DOCK10: variants seen among roughly 807,000 people sequenced by gnomAD.
The protein encoded by DOCK10 is dedicator of cytokinesis 10.
In DOCK10, 145 loss-of-function variants were observed where a neutral mutation model predicts 280.1. The ratio of observed to expected loss-of-function variants is 0.52; its 90% CI spans 0.45 to 0.59. DOCK10 has a LOEUF of 0.59. Among genes scored for constraint, DOCK10 ranks in the 20% least tolerant of loss-of-function variants. The pLI, the probability that DOCK10 is intolerant of heterozygous loss-of-function variation, is 0.00. For missense variants in DOCK10, 2,368 were observed against 2,651.7 expected, an observed-to-expected ratio of 0.89 and a Z score of 2.35; for synonymous variants, 915 against 942.2, an observed-to-expected ratio of 0.97 and a Z score of 0.53.
chr2:224,905,008 G>A (rs1207845331), intron 3 of DOCK10, among the ~76,000 whole-genome samples: 1 of 152,034 alleles, frequency 6.6e-6, no homozygotes, highest in African/African-American at 2.4e-5. Context: ...CTATGTTTAG[G>A]ACGCAAGTCT....
chr2:224,884,283 T>C (rs1334289444), intron 7 of DOCK10, among the ~76,000 whole-genome samples: 1 of 152,190 alleles, frequency 6.6e-6, no homozygotes, highest in Non-Finnish European at 1.5e-5. Context: ...GAGAGAACTC[T>C]ACTTGCATCC....
At chr2:224,863,156 A>G (rs1697637723) in intron 13 of DOCK10, among the ~76,000 whole-genome samples, 1 of 152,232 alleles carries the variant, frequency 6.6e-6, no homozygotes, top group South Asian at 2.1e-4. Flanking sequence ...AATGGGTTTC[A>G]TGGGCCATAT....
At chr2:224,844,696 T>C in intron 22 of DOCK10, 57 bp downstream of exon 22, 1 of 1,105,710 alleles carries the variant, frequency 9.0e-7, no homozygotes, top group Non-Finnish European at 1.4e-6. Flanking sequence ...ATAGGGGAAT[T>C]ACCTCATGAT....
chr2:224,810,362 T>C (rs900736851), intron 31 of DOCK10, among the ~76,000 whole-genome samples: 5 of 152,168 alleles, frequency 3.3e-5, no homozygotes, highest in Admixed American at 6.5e-5. Context: ...AGGTGGATTT[T>C]AGTCAAAGGG....
chr2:224,960,642 C>T (rs1704309884), intron 1 of DOCK10, among the ~76,000 whole-genome samples: 1 of 150,516 alleles, frequency 6.6e-6, no homozygotes, highest in South Asian at 2.1e-4. Flanking sequence ...CTAACATAAT[C>T]ATCCACCTAA....
intron 1 of DOCK10, among the ~76,000 whole-genome samples, chr2:224,942,709 G>A (rs186063155): frequency 6.6e-6 from 1 of 151,138 alleles, no homozygotes; most frequent in East Asian, 1.9e-4. Context: ...TTAGAGATAT[G>A]TTAAAGCTAT....
At chr2:224,813,203 T>C (rs2125271367) in intron 31 of DOCK10, among the ~76,000 whole-genome samples, 1 of 152,296 alleles carries the variant, frequency 6.6e-6, no homozygotes, top group Admixed American at 6.5e-5. Flanking sequence ...ACAAAATTTT[T>C]ATTATTTTTT....
chr2:225,039,451 T>A (rs985395681), intron 1 of DOCK10, among the ~76,000 whole-genome samples: 1 of 152,212 alleles, frequency 6.6e-6, no homozygotes, highest in African/African-American at 2.4e-5. Context: ...TTTTTGTTCA[T>A]TACTGTTCTT....
intron 33 of DOCK10, among the ~76,000 whole-genome samples, 159 bp from the exon 34 acceptor site, chr2:224,806,396 T>A (rs371046732): frequency 3.3e-5 from 5 of 152,276 alleles, no homozygotes; most frequent in African/African-American, 1.2e-4. Context: ...TGAAAACAAA[T>A]ACAGCCAAAA....
intron 47 of DOCK10, among the ~76,000 whole-genome samples, chr2:224,790,334 T>C (rs1041665453): frequency 6.6e-6 from 1 of 152,196 alleles, no homozygotes; most frequent in African/African-American, 2.4e-5. Flanking sequence ...TTGGGGCAGA[T>C]TGTTTAGCTT....
chr2:224,997,771 C>G (rs915860722), intron 1 of DOCK10, among the ~76,000 whole-genome samples: 9 of 152,224 alleles, frequency 5.9e-5, no homozygotes, highest in African/African-American at 2.2e-4. Flanking sequence ...TACTAACAGG[C>G]TTGAAAGCAC....
chr2:224,986,947 C>A (rs986640488), intron 1 of DOCK10, among the ~76,000 whole-genome samples: 1 of 152,158 alleles, frequency 6.6e-6, no homozygotes, highest in African/African-American at 2.4e-5. Flanking sequence ...GTTGAATTAA[C>A]CCCCGCCTTC....
chr2:224,912,198 C>T (rs770967823), intron 3 of DOCK10, among the ~76,000 whole-genome samples: 5 of 151,224 alleles, frequency 3.3e-5, no homozygotes, highest in South Asian at 4.2e-4. Flanking sequence ...TGGAATGACG[C>T]GATCTCAGAT....
rs184211489 is a variant in DOCK10 at position 224,876,388 on chromosome 2, G to A, written c.748-167C>T. Among the ~76,000 whole-genome samples the A allele has an allele frequency of 5.9e-5, 9 of 152,216 alleles. No individual in the cohort carries two copies. The East Asian group carries it at 1.7e-3, about 29-fold the overall frequency. On this transcript the variant is annotated intron_variant, in intron 7 of 55. Transcript: ENST00000258390. The stretch of plus-strand genomic sequence containing the variant: ...AATTTTAGATGGGTCTGATCATTTT[G>A]TTTGATTTCTTTCAAAGCTTTTTGT...
chr2:224,927,521 C>A (rs1251649850), intron 2 of DOCK10, among the ~76,000 whole-genome samples: 1 of 152,098 alleles, frequency 6.6e-6, no homozygotes, highest in Non-Finnish European at 1.5e-5. Context: ...CTTGGGACAG[C>A]AGAGTGAATA....
intron 1 of DOCK10, among the ~76,000 whole-genome samples, chr2:225,014,081 A>ATATATATAT (rs776104946): frequency 3.1e-4 from 30 of 96,822 alleles, no homozygotes; most frequent in Non-Finnish European, 3.9e-4. Context: ...GTCTGAATAT[A>ATATATATAT]TTGTTTTTTT....
In DOCK10 at chr2:224,864,576, T is replaced by C. The variant is rs764784571; in HGVS notation, c.1579A>G (p.Ile527Val). The change falls in exon 13 of 56, where the codon ATT becomes GTT. Residue 527 changes from isoleucine (I) to valine (V), a missense_variant. Transcript: ENST00000258390. ...GNIASGAEPYIKNPDSNKYAQ... is the reference protein window; with the variant it reads ...GNIASGAEPYVKNPDSNKYAQ... Reference sequence around the variant, plus strand: ...ACCTTGTTGGAGTCTGGGTTCTTAATATAAGGTTCGGCACCACTTGCAATG... The same window carrying C: ...ACCTTGTTGGAGTCTGGGTTCTTAACATAAGGTTCGGCACCACTTGCAATG... 3 of 1,605,754 alleles carry C rather than the reference T, an allele frequency of 1.9e-6. No individual in the cohort carries two copies. Among genetic ancestry groups the C allele is most frequent in the African/African-American group, 1.3e-5 (1 of 74,236 alleles).
At chr2:224,818,374 T>C (rs541467790) in intron 29 of DOCK10, among the ~76,000 whole-genome samples, 1 of 151,074 alleles carries the variant, frequency 6.6e-6, no homozygotes, top group South Asian at 2.1e-4. Flanking sequence ...GTATTCCTTG[T>C]GCTTGAAAAG....
Position 224,864,925 on chromosome 2 carries a change from G to T in DOCK10, c.1420C>A (p.Gln474Lys), listed in dbSNP as rs1158680713. The T allele has an allele frequency of 6.2e-7, 1 of 1,613,950 alleles. No individual in the cohort carries two copies. Among genetic ancestry groups the T allele is most frequent in the East Asian group, 2.2e-5 (1 of 44,888 alleles). The stretch of plus-strand genomic sequence containing the variant: ...CCCTTGATGTGAGGTTCTTCTGATT[G>T]TCTTGGAGTGATGGTGTCGATGTTG... ...NGNIDTITPR[Q>K]SEEPHIKGLP... Residue 474 changes from glutamine (Q) to lysine (K), a missense_variant, in exon 12 of 56, where the codon CAA (glutamine) becomes AAA (lysine). By Grantham distance (53) the Gln-to-Lys change is moderately conservative (BLOSUM62 1). Around this residue, in one of 2 missense-constraint regions of DOCK10, gnomAD observed 1,209 missense variants for 1,250.9 expected, o/e 0.97. Transcript: ENST00000258390.
Sources: gnomAD v4.1 joint callset for allele counts (sites outside exome capture counted in the v4.1 genomes callset) on GRCh38, gnomAD v4.1.1 for gene constraint, gnomAD v4.1.1 regional missense constraint, MANE v1.5 for transcripts, NCBI Gene and HGNC (gene_info 2026-07-23, HGNC 2026-07-21) for gene names.